Variants in RAP1GAP observed in about 807,000 individuals in gnomAD.
RAP1GAP encodes RAP1 GTPase activating protein.
A neutral mutation model predicts 87.2 loss-of-function variants in RAP1GAP; 35 were observed. That is an observed-to-expected ratio of 0.40 (90% CI 0.31 to 0.53). RAP1GAP has a LOEUF of 0.53. Among genes scored for constraint, RAP1GAP ranks in the 20% least tolerant of loss-of-function variants. The probability of loss-of-function intolerance (pLI) is 0.48; values close to 1 mark genes in which losing one functional copy is unlikely to be tolerated. For synonymous variants in RAP1GAP, 375 were observed against 363.9 expected (o/e 1.03, Z -0.35); for missense variants, 734 against 898.9 (o/e 0.82, Z 2.35).
chr1:21,651,712 G>C (rs1368746506), intron 1 of RAP1GAP: 1 of 1,446,324 alleles, frequency 6.9e-7, no homozygotes, highest in African/African-American at 1.4e-5. Flanking sequence ...CCCCGCACGG[G>C]CTCCCCCCCA....
At chr1:21,645,731 C>A (rs1437384231) in intron 2 of RAP1GAP, among the ~76,000 whole-genome samples, 1 of 152,128 alleles carries the variant, frequency 6.6e-6, no homozygotes, top group Non-Finnish European at 1.5e-5. Flanking sequence ...GCCAGCTGCC[C>A]GTCGGGGGCC....
intron 1 of RAP1GAP, among the ~76,000 whole-genome samples, chr1:21,661,875 T>C (rs1411434760): frequency 1.3e-5 from 2 of 152,248 alleles, no homozygotes; most frequent in Non-Finnish European, 2.9e-5. Context: ...CCAAGGGCCC[T>C]TCTCAATCTG....
chr1:21,611,395 C>G (rs2078185294), intron 13 of RAP1GAP, 57 bp downstream of exon 13: 1 of 1,566,260 alleles, frequency 6.4e-7, no homozygotes, highest in African/African-American at 1.3e-5. Flanking sequence ...GCTGAACAGA[C>G]AGGTGGAGGG....
chr1:21,604,585 G>A (rs541967492), intron 18 of RAP1GAP, among the ~76,000 whole-genome samples: 12 of 152,280 alleles, frequency 7.9e-5, no homozygotes, highest in African/African-American at 2.9e-4. Flanking sequence ...CCCACAGGAG[G>A]CTGGGTCACT....
At chr1:21,599,004 C>T (rs544662677) in intron 21 of RAP1GAP, among the ~76,000 whole-genome samples, 48 of 152,344 alleles carry the variant, frequency 3.2e-4, no homozygotes, top group Non-Finnish European at 4.3e-4. Context: ...ACTGTGAGAA[C>T]GTAAAGGGGC....
chr1:21,666,249 G>A (rs552197188), intron 1 of RAP1GAP, among the ~76,000 whole-genome samples: 39 of 152,342 alleles, frequency 2.6e-4, no homozygotes, highest in African/African-American at 8.9e-4. Context: ...TGGCATGCAA[G>A]GAGGTGAGCA....
chr1:21,606,040 G>A, intron 18 of RAP1GAP, 26 bp downstream of exon 18: 1 of 1,563,270 alleles, frequency 6.4e-7, no homozygotes, highest in Non-Finnish European at 8.6e-7. Context: ...GAGGGGCCGG[G>A]GCCTGGGGAG....
intron 2 of RAP1GAP, among the ~76,000 whole-genome samples, chr1:21,642,580 T>A (rs1162544228): frequency 6.6e-6 from 1 of 152,162 alleles, no homozygotes; most frequent in Non-Finnish European, 1.5e-5. Flanking sequence ...GAGCTGCGGC[T>A]GACTCAGTCT....
chr1:21,655,385 G>GAC (rs138776859), intron 1 of RAP1GAP, among the ~76,000 whole-genome samples: 1 of 151,966 alleles, frequency 6.6e-6, no homozygotes. Flanking sequence ...CTCCAGGACT[G>GAC]ACACACACAC....
chr1:21,609,610 C>A lies in RAP1GAP; in HGVS notation c.1036G>T (p.Gly346Ter). The part of the protein sequence containing the change: ...VTARDDVPFF[G>*]PPLPDPAVFR... ...ACAGCGGGGTCCGGGAGGGGGGGTC[C>A]AAAGAAGGGCACATCATCTCTTGCA... Residue 346 changes from glycine (G) to a stop codon, truncating the protein, a stop_gained, in exon 15 of 25, where the codon GGA becomes TGA. Transcript: ENST00000374765. LOFTEE classifies it high-confidence loss of function. This position sits in a 1 kb window ranked among gnomAD's most constrained non-coding sequence, Gnocchi z 4.4. The A allele has an allele frequency of 6.3e-7, 1 of 1,579,950 alleles. No individual in the cohort carries two copies. Among genetic ancestry groups the A allele is most frequent in the Non-Finnish European group, 8.6e-7 (1 of 1,163,376 alleles).
At chr1:21,640,033 C>T (rs1415871951) in intron 2 of RAP1GAP, among the ~76,000 whole-genome samples, 5 of 152,178 alleles carry the variant, frequency 3.3e-5, no homozygotes, top group Non-Finnish European at 5.9e-5. Context: ...CGAGGCCCTG[C>T]GTGTCTGCTC....
Position 21,622,214 on chromosome 1 carries a change from C to T in RAP1GAP, c.-18-2164G>A, listed in dbSNP as rs1247577655. ...TGGCCAGTGTCAGCCCAGAAGCTCA[C>T]ACGCCCACCATGACGGAGCCTTGTC... On this transcript the variant is annotated intron_variant, in intron 3 of 24. Coordinates refer to ENST00000374765, the MANE Select transcript of RAP1GAP (RefSeq NM_002885.4). The surrounding 1 kb of genome is among the most constrained non-coding windows in gnomAD (Gnocchi z 5.7). 1 of 318,732 alleles carries T rather than the reference C, an allele frequency of 3.1e-6. No individual in the cohort carries two copies. The highest frequency in any genetic ancestry group is 5.9e-6 in the Non-Finnish European group (1 of 170,206). 19.7% of individuals were successfully genotyped at this position (318,732 alleles called of 1,614,324 possible).
chr1:21,606,310 C>T (rs1343306024), intron 17 of RAP1GAP, 113 bp from the exon 18 acceptor site: 4 of 1,409,070 alleles, frequency 2.8e-6, no homozygotes. Flanking sequence ...TCTGGGTAAG[C>T]CCTGGAAATC....
intron 3 of RAP1GAP, among the ~76,000 whole-genome samples, chr1:21,620,613 C>T (rs2086438342): frequency 2.0e-5 from 3 of 152,190 alleles, no homozygotes; most frequent in African/African-American, 7.2e-5. Context: ...AGCCAGGGCA[C>T]ACGCAGAGTT....
chr1:21,663,144 G>T (rs1186934703), intron 1 of RAP1GAP, among the ~76,000 whole-genome samples: 1 of 152,200 alleles, frequency 6.6e-6, no homozygotes, highest in Non-Finnish European at 1.5e-5. Context: ...GTGGGCTTTG[G>T]GGACTCGGAC....
chr1:21,606,093 G>T lies in RAP1GAP; in HGVS notation c.1401C>A (p.Asn467Lys). Residue 467 changes from asparagine (N) to lysine (K), a missense_variant, in exon 18 of 25, where the codon AAC becomes AAA. This residue lies in a region of RAP1GAP where 485 missense variants were observed against 646.2 expected (regional missense o/e 0.75). Transcript: ENST00000374765. Reference protein sequence around the residue: ...TSHSGSFAPNNPDLAKAAGIS... With the variant: ...TSHSGSFAPNKPDLAKAAGIS... ...TTCCAGCCGCCTTGGCCAGGTCGGG[G>T]TTGTTGGGCGCGAAGCTCCCGCTGT... 1.3e-6 allele frequency: 2 copies of T among 1,587,462 alleles called. No individual in the cohort carries two copies. The highest frequency in any genetic ancestry group is 1.7e-6 in the Non-Finnish European group (2 of 1,167,286).
rs1315959996 is a variant in RAP1GAP, at chr1:21,612,095, G to A, written c.543C>T (p.Ile181=). The change falls in exon 11 of 25, where the codon ATC becomes ATT. Residue 181 remains isoleucine (I), a synonymous_variant. Transcript: ENST00000374765. ...PVLYPKASRL[I]VTFDEHVISN... Reference sequence around the variant, plus strand: ...TGATGACATGCTCGTCAAAGGTGACGATGAGCCGGGAAGCCTGCAGGAGAG... The same window carrying A: ...TGATGACATGCTCGTCAAAGGTGACAATGAGCCGGGAAGCCTGCAGGAGAG... The A allele has an allele frequency of 1.9e-6, 3 of 1,552,360 alleles. No individual in the cohort carries two copies. The highest frequency in any genetic ancestry group is 2.6e-6 in the Non-Finnish European group (3 of 1,147,106).
Position 21,598,600 on chromosome 1 carries a change from C to T in RAP1GAP, c.1777-98G>A, listed in dbSNP as rs1360784168. On this transcript the variant is annotated intron_variant, in intron 21 of 24. Transcript: ENST00000374765. ...CCTCTCCCTCACTGCATTCCACAAC[C>T]CCCCACCCGTACCCTCTGCGAGGAG... The T allele has an allele frequency of 5.0e-6, 5 of 1,000,854 alleles. No homozygotes were observed. In the East Asian group the frequency reaches 1.3e-4, roughly 26 times the overall value. The allele number at this position is 1,000,854 out of a possible 1,614,324, so 62.0% of individuals were successfully genotyped here.
intron 1 of RAP1GAP, among the ~76,000 whole-genome samples, chr1:21,655,059 G>C (rs2096803617): frequency 6.7e-6 from 1 of 149,598 alleles, no homozygotes; most frequent in African/African-American, 2.5e-5. Context: ...AGAATTGCTT[G>C]AACCCAGGAG....
Sources: gnomAD v4.1 joint callset for allele counts (sites outside exome capture counted in the v4.1 genomes callset) on GRCh38, gnomAD v4.1.1 for gene constraint, gnomAD v4.1.1 regional missense constraint, Gnocchi (gnomAD v3.1) non-coding constraint, MANE v1.5 for transcripts, NCBI Gene and HGNC (gene_info 2026-07-23, HGNC 2026-07-21) for gene names.